Variants in LAMA1 observed in about 807,000 individuals in gnomAD.
The protein encoded by LAMA1 is laminin subunit alpha-1.
A neutral mutation model predicts 348.7 loss-of-function variants in LAMA1; 219 were observed. That is an observed-to-expected ratio of 0.63 (90% CI 0.56 to 0.70). The LOEUF (loss-of-function observed/expected upper bound fraction) is 0.70, where lower values mean the gene tolerates loss of function less well. Among genes scored for constraint, LAMA1 ranks in the 30% least tolerant of loss-of-function variants. LAMA1 has a pLI of 0.00. For missense variants in LAMA1, 3,744 were observed against 3,888.0 expected (o/e 0.96, Z 0.99); for synonymous variants, 1,487 against 1,491.0 (o/e 1.00, Z 0.06).
chr18:6,960,800 T>C (rs1427824827), intron 53 of LAMA1: 2 of 152,188 alleles, frequency 1.3e-5, no homozygotes, highest in African/African-American at 2.4e-5. Flanking sequence ...CTGTGACTCA[T>C]ACCAGTGGTG....
At position 6,971,844 on chromosome 18, in the gene LAMA1, G is replaced by A; in HGVS notation, c.6899+13C>T. 6.2e-7 allele frequency: 1 copy of A among 1,614,002 alleles called. No individual in the cohort carries two copies. On this transcript the variant is annotated intron_variant, in intron 48 of 62. Coordinates refer to ENST00000389658, the MANE Select transcript of LAMA1 (RefSeq NM_005559.4). ...AATAACATACTATGTGCTAAACCGTGACGACATCTTACCTTCCGAAGCACC... is the reference window on the plus strand; with the variant it reads ...AATAACATACTATGTGCTAAACCGTAACGACATCTTACCTTCCGAAGCACC...
intron 3 of LAMA1, among the ~76,000 whole-genome samples, chr18:7,070,645 C>T (rs1293806280): frequency 1.3e-5 from 2 of 152,100 alleles, no homozygotes; most frequent in Non-Finnish European, 2.9e-5. Flanking sequence ...ACAAAGGCTC[C>T]TCTGTGATTA....
chr18:6,968,095 G>A (rs2057641849), intron 48 of LAMA1, among the ~76,000 whole-genome samples: 1 of 152,212 alleles, frequency 6.6e-6, no homozygotes, highest in African/African-American at 2.4e-5. Flanking sequence ...CCCCAAGTGG[G>A]TCTCTGCCTT....
chr18:6,957,831 TGCA>T lies in LAMA1; in HGVS notation c.7964+643_7964+645del, dbSNP rs552005887. 1.2e-3 allele frequency among the ~76,000 whole-genome samples: 180 copies of T among 151,504 alleles called. 1 individual carries two copies. Among genetic ancestry groups the T allele is most frequent in the African/African-American group, 4.0e-3 (165 of 40,978 alleles). ...TCTCACTCTGTCGCCCAGGCTGGAGTGCAGCAATGGTGCAATCTCAGCTCACTG... is the reference window on the plus strand; with the variant it reads ...TCTCACTCTGTCGCCCAGGCTGGAGTGCAATGGTGCAATCTCAGCTCACTG... On this transcript the variant is annotated intron_variant, in intron 55 of 62. Coordinates refer to ENST00000389658, the MANE Select transcript of LAMA1 (RefSeq NM_005559.4).
At chr18:7,052,747 G>A (rs1017064706) in intron 3 of LAMA1, among the ~76,000 whole-genome samples, 2 of 148,924 alleles carry the variant, frequency 1.3e-5, no homozygotes, top group South Asian at 2.1e-4. Context: ...AGATAGACTG[G>A]GCATGGTGGC....
chr18:7,071,792 C>T (rs1449022748), intron 3 of LAMA1, among the ~76,000 whole-genome samples: 1 of 152,184 alleles, frequency 6.6e-6, no homozygotes. Flanking sequence ...GAGTCCTACC[C>T]TTGAGCAAGC....
intron 57 of LAMA1, 130 bp downstream of exon 57, chr18:6,955,223 A>G: frequency 2.7e-6 from 2 of 744,822 alleles, no homozygotes; most frequent in South Asian, 3.0e-5. Flanking sequence ...TCTCTTTGCC[A>G]TTTGGTTGCA....
At chr18:7,016,204 A>C (rs937692795) in intron 21 of LAMA1, among the ~76,000 whole-genome samples, 2 of 152,194 alleles carry the variant, frequency 1.3e-5, no homozygotes, top group African/African-American at 4.8e-5. Context: ...CTAACTTCTC[A>C]ATGCAGATTC....
At chr18:7,092,441 T>C (rs1190848359) in intron 1 of LAMA1, among the ~76,000 whole-genome samples, 5 of 151,830 alleles carry the variant, frequency 3.3e-5, no homozygotes, top group Non-Finnish European at 5.9e-5. Flanking sequence ...CTGGCTAACA[T>C]GGTGAAACCC....
intron 42 of LAMA1, among the ~76,000 whole-genome samples, chr18:6,979,682 G>T (rs369866574): frequency 6.6e-6 from 1 of 152,086 alleles, no homozygotes; most frequent in Non-Finnish European, 1.5e-5. Context: ...GGCGGATCAC[G>T]AGGTCAGGAG....
intron 19 of LAMA1, among the ~76,000 whole-genome samples, chr18:7,021,494 T>C (rs1439964978): frequency 3.9e-5 from 6 of 152,176 alleles, no homozygotes; most frequent in Non-Finnish European, 8.8e-5. Flanking sequence ...TTCTGTAATC[T>C]ACATGTAGAT....
chr18:6,954,945 G>GTGGAGAGGA (rs2057568227), intron 57 of LAMA1: 1 of 318,818 alleles, frequency 3.1e-6, no homozygotes, highest in East Asian at 8.2e-5. Flanking sequence ...TGCAGAGAGG[G>GTGGAGAGGA]GTGGGTGTGG....
Position 6,999,572 on chromosome 18 carries a change from G to A in LAMA1, c.4536C>T (p.Asn1512=), listed in dbSNP as rs751639277. ...AGTCACCGTGGACAGAGCCGTGCGGGTTGCAGTCACACTTCTGGCAACTGC... is the reference window on the plus strand; with the variant it reads ...AGTCACCGTGGACAGAGCCGTGCGGATTGCAGTCACACTTCTGGCAACTGC... ...PGGSCQKCDC[N]PHGSVHGDCD... is the part of the protein sequence containing the mutation. Residue 1512 remains asparagine (N), a synonymous_variant, in exon 32 of 63, where the codon AAC becomes AAT. Transcript: ENST00000389658. 13 of 1,613,828 alleles carry A rather than the reference G, an allele frequency of 8.1e-6. No homozygotes were observed. Among genetic ancestry groups the A allele is most frequent in the African/African-American group, 1.3e-5 (1 of 74,916 alleles).
At chr18:7,100,058 C>CAAAA (rs3038921) in intron 1 of LAMA1, among the ~76,000 whole-genome samples, 2,347 of 79,380 alleles carry the variant, frequency 0.03, 245 homozygotes, top group African/African-American at 0.065. Context: ...GACTTTGTCT[C>CAAAA]AAAAAAAAAA....
rs371957816 is a variant in LAMA1 at position 7,010,282 on chromosome 18, C to G, written c.3791G>C (p.Arg1264Pro). ...CATGTAAATGACTTGCTTTCTGATCCGACCACCTTTGATGAGAACTTGAGG... is the reference window on the plus strand; with the variant it reads ...CATGTAAATGACTTGCTTTCTGATCGGACCACCTTTGATGAGAACTTGAGG... ...FEPQVLIKGG[R>P]IRKQVIYMDA... Residue 1264 changes from arginine to proline, a missense_variant, in exon 26 of 63, where the codon CGG becomes CCG. Arg to Pro is a moderately radical substitution (Grantham distance 103). This residue lies in a region of LAMA1 where 1,529 missense variants were observed against 1,689.4 expected (regional missense o/e 0.91). Coordinates refer to ENST00000389658, the MANE Select transcript of LAMA1 (RefSeq NM_005559.4). 13 of 1,614,030 alleles carry G rather than the reference C, an allele frequency of 8.1e-6. No homozygotes were observed. The African/African-American group carries it at 1.6e-4, about 20-fold the overall frequency.
chr18:6,997,526 C>T (rs976483618), intron 33 of LAMA1, among the ~76,000 whole-genome samples: 6 of 152,118 alleles, frequency 3.9e-5, no homozygotes, highest in Non-Finnish European at 8.8e-5. Context: ...ATGATGAGAG[C>T]TGTCCCACCG....
At position 6,942,162 on chromosome 18, in the gene LAMA1, G is replaced by C; in HGVS notation, c.9145C>G (p.Pro3049Ala). ...CTGAAGTCAAAGGACTGCACCTGCGGGCTCTTAATCAGAGCTAGCTTCCTC... is the reference window on the plus strand; with the variant it reads ...CTGAAGTCAAAGGACTGCACCTGCGCGCTCTTAATCAGAGCTAGCTTCCTC... The part of the protein sequence containing the change: ...CLRKLALIKS[P>A]QVQSFDFSRA... The change falls in exon 63 of 63, where the codon CCG (proline) becomes GCG (alanine). Residue 3049 changes from proline (P) to alanine (A), a missense_variant. This residue lies in a region of LAMA1 where 232 missense variants were observed against 264.4 expected (regional missense o/e 0.88). Coordinates refer to ENST00000389658, the MANE Select transcript of LAMA1 (RefSeq NM_005559.4). 6.2e-7 allele frequency: 1 copy of C among 1,614,136 alleles called. No individual in the cohort carries two copies. The highest frequency in any genetic ancestry group is 2.2e-5 in the East Asian group (1 of 44,870).
chr18:6,946,793 G>A (rs1212141054), intron 61 of LAMA1, among the ~76,000 whole-genome samples: 1 of 152,076 alleles, frequency 6.6e-6, no homozygotes, highest in East Asian at 1.9e-4. Context: ...GGCCCTCCCT[G>A]TACATTTCAT....
chr18:7,110,694 C>T (rs770421100), intron 1 of LAMA1, among the ~76,000 whole-genome samples: 1 of 151,972 alleles, frequency 6.6e-6, no homozygotes. Context: ...TGGTGGTGGG[C>T]GCCTATAATC....
Sources: gnomAD v4.1 joint callset for allele counts (sites outside exome capture counted in the v4.1 genomes callset) on GRCh38, gnomAD v4.1.1 for gene constraint, gnomAD v4.1.1 regional missense constraint, MANE v1.5 for transcripts, NCBI Gene and HGNC (gene_info 2026-07-23, HGNC 2026-07-21) for gene names.